The following MBNL1 variants were observed in gnomAD, a reference collection of about 807,000 sequenced individuals.
The protein encoded by MBNL1 is muscleblind-like protein 1.
A neutral mutation model predicts 42.2 loss-of-function variants in MBNL1; 8 were observed. The observed-to-expected ratio is 0.19, with a 90% CI of 0.11 to 0.34. MBNL1 has a LOEUF of 0.34. Ranked by LOEUF, MBNL1 falls within the 10% of genes least tolerant of loss-of-function variation. The pLI is 1.00. For missense variants in MBNL1, 309 were observed against 495.3 expected (o/e 0.62, Z 3.57); for synonymous variants, 169 against 173.9 (o/e 0.97, Z 0.22).
intron 3 of MBNL1, among the ~76,000 whole-genome samples, chr3:152,425,820 A>G (rs927647614): frequency 2.0e-5 from 3 of 152,176 alleles, no homozygotes; most frequent in African/African-American, 7.2e-5. Context: ...AACTAGAAAT[A>G]ACATTTGACC....
intron 6 of MBNL1, among the ~76,000 whole-genome samples, chr3:152,451,450 CCT>C (rs1722827871): frequency 6.6e-6 from 1 of 152,146 alleles, no homozygotes; most frequent in Non-Finnish European, 1.5e-5. Flanking sequence ...TTCCTCCCTT[CCT>C]CTGTCCTTCA....
At chr3:152,258,268 G>C (rs1290473347) in intron 2 of MBNL1, among the ~76,000 whole-genome samples, 1 of 152,086 alleles carries the variant, frequency 6.6e-6, no homozygotes, top group Admixed American at 6.6e-5. Flanking sequence ...TCAAAGGCCT[G>C]ATCAATGTTA....
At chr3:152,248,371 A>G (rs1049638080) in intron 2 of MBNL1, among the ~76,000 whole-genome samples, 1 of 152,072 alleles carries the variant, frequency 6.6e-6, no homozygotes, top group Non-Finnish European at 1.5e-5. Context: ...ATTTAGAAAT[A>G]ATTGGAAGCT....
chr3:152,407,904 C>G (rs1472479111), intron 2 of MBNL1, among the ~76,000 whole-genome samples: 1 of 151,986 alleles, frequency 6.6e-6, no homozygotes, highest in Non-Finnish European at 1.5e-5. Context: ...CCACATGTTC[C>G]CACTTATAAG....
At position 152,313,054 on chromosome 3, in the gene MBNL1, G is replaced by A. The variant is rs79191635; in HGVS notation, c.174+12687G>A. Among the ~76,000 whole-genome samples the A allele has an allele frequency of 4.2e-3, 633 of 149,636 alleles. 9 individuals are homozygous for A. Among genetic ancestry groups the A allele is most frequent in the Admixed American group, 0.035 (528 of 14,924 alleles). On this transcript the variant is annotated intron_variant, in intron 2 of 9. Transcript: ENST00000324210. Reference sequence around the variant, plus strand: ...TTTTTTTTTTTTGAGACGGAGTCTCGCCCTTTCACCCAGGCTGGAGTGCAA... The same window carrying A: ...TTTTTTTTTTTTGAGACGGAGTCTCACCCTTTCACCCAGGCTGGAGTGCAA...
chr3:152,456,232 C>T (rs773435204), intron 7 of MBNL1, 35 bp from the exon 8 acceptor site: 27 of 1,421,924 alleles, frequency 1.9e-5, no homozygotes, highest in Non-Finnish European at 2.5e-5. Context: ...CTACACTCTT[C>T]TGTATGTTCG....
intron 2 of MBNL1, among the ~76,000 whole-genome samples, chr3:152,317,860 A>G (rs1290924394): frequency 1.3e-5 from 2 of 152,228 alleles, no homozygotes; most frequent in Non-Finnish European, 2.9e-5. Flanking sequence ...TCATTTGGTC[A>G]TTTACCTTTT....
chr3:152,345,031 T>C (rs2093998931), intron 2 of MBNL1, among the ~76,000 whole-genome samples: 1 of 152,124 alleles, frequency 6.6e-6, no homozygotes, highest in Non-Finnish European at 1.5e-5. Context: ...TGTATGTAGG[T>C]CTAGCATACC....
intron 2 of MBNL1, among the ~76,000 whole-genome samples, chr3:152,363,850 C>T (rs1044123221): frequency 6.6e-6 from 1 of 151,982 alleles, no homozygotes; most frequent in African/African-American, 2.4e-5. Flanking sequence ...AAATATACCA[C>T]GTAGTTTTTT....
intron 2 of MBNL1, among the ~76,000 whole-genome samples, chr3:152,247,544 A>T (rs1338585674): frequency 6.6e-6 from 1 of 151,938 alleles, no homozygotes; most frequent in East Asian, 1.9e-4. Flanking sequence ...AATGGAATCT[A>T]ATTTACATAT....
Position 152,403,247 on chromosome 3 carries a change from C to T in MBNL1, c.175-11694C>T, listed in dbSNP as rs375157436. On this transcript the variant is annotated intron_variant, in intron 2 of 9. Transcript: ENST00000324210. ...TGCCATGGCTGACGCTCCTGTGAGG[C>T]CCAACATCTCCATACTTTTCATCTT... Among the ~76,000 whole-genome samples the T allele has an allele frequency of 6.0e-4, 92 of 152,178 alleles. No individual in the cohort carries two copies. In the South Asian group the frequency reaches 0.019, roughly 31 times the overall value.
At position 152,425,044 on chromosome 3, in the gene MBNL1, C is replaced by T. The variant is rs2098894701; in HGVS notation, c.346-7673C>T. Among the ~76,000 whole-genome samples the T allele has an allele frequency of 2.6e-5, 4 of 152,056 alleles. No individual in the cohort carries two copies. In the South Asian group the frequency reaches 8.3e-4, roughly 32 times the overall value. On this transcript the variant is annotated intron_variant, in intron 3 of 9. Transcript: ENST00000324210. ...ACACCAAAAGCAATGGCAACAAAAG[C>T]CAAAATTGACAAATGGGATCTAATT...
upstream of MBNL1, chr3:152,263,148 T>C (rs1485607113): frequency 6.6e-6 from 1 of 152,168 alleles, no homozygotes; most frequent in Non-Finnish European, 1.5e-5. Flanking sequence ...AGATTATATA[T>C]AAATGACATG....
chr3:152,390,613 G>GCACACACA (rs3220073), intron 2 of MBNL1, among the ~76,000 whole-genome samples: 2,745 of 147,216 alleles, frequency 0.019, 32 homozygotes, highest in African/African-American at 0.025. Context: ...GTATTGTTAT[G>GCACACACA]CACACACACA....
At chr3:152,288,048 C>G (rs1378520916) in intron 1 of MBNL1, among the ~76,000 whole-genome samples, 7 of 152,090 alleles carry the variant, frequency 4.6e-5, no homozygotes. Context: ...TCCCAAGAAG[C>G]CTAACTTTAT....
chr3:152,367,461 C>T (rs560019348), intron 2 of MBNL1, among the ~76,000 whole-genome samples: 2 of 150,324 alleles, frequency 1.3e-5, no homozygotes, highest in Admixed American at 6.6e-5. Flanking sequence ...CAAGTCTTTA[C>T]TATAGGGAAT....
intron 3 of MBNL1, among the ~76,000 whole-genome samples, chr3:152,419,684 T>TG (rs1560520451): frequency 9.1e-6 from 1 of 110,064 alleles, no homozygotes. Context: ...TGCAGGAGTT[T>TG]TTTTGTTTGT....
chr3:152,461,707 T>C (rs979367768), intron 9 of MBNL1, among the ~76,000 whole-genome samples: 2 of 152,230 alleles, frequency 1.3e-5, no homozygotes, highest in South Asian at 4.1e-4. Context: ...AAGCATACTT[T>C]TAATATATGT....
At chr3:152,416,038 A>C (rs1348480987) in intron 3 of MBNL1, among the ~76,000 whole-genome samples, 1 of 152,186 alleles carries the variant, frequency 6.6e-6, no homozygotes, top group Non-Finnish European at 1.5e-5. Flanking sequence ...GCTTATATGC[A>C]GTATCGTGGG....
Sources: allele counts gnomAD v4.1 joint callset (sites outside exome capture counted in the v4.1 genomes callset), GRCh38; gene constraint gnomAD v4.1.1; transcripts MANE v1.5; gene names NCBI Gene and HGNC (gene_info 2026-07-23, HGNC 2026-07-21).